The following TUBGCP4 variants were observed in gnomAD, a reference collection of about 807,000 sequenced individuals.
TUBGCP4 encodes the protein gamma-tubulin complex component 4.
Under a neutral mutation model 91.6 loss-of-function variants are expected in TUBGCP4, and 54 were observed. That is an observed-to-expected ratio of 0.59 (90% CI 0.47 to 0.74). The LOEUF is 0.74. Among genes scored for constraint, TUBGCP4 ranks in the 30% least tolerant of loss-of-function variants. TUBGCP4 has a pLI of 0.00. For missense variants in TUBGCP4, 593 were observed against 800.9 expected (o/e 0.74, Z 3.13); for synonymous variants, 297 against 302.8 (o/e 0.98, Z 0.20).
At chr15:43,401,884 T>TGA (rs2044689269) in intron 15 of TUBGCP4, 34 bp downstream of exon 15, 2 of 1,611,950 alleles carry the variant, frequency 1.2e-6, no homozygotes, top group Non-Finnish European at 1.7e-6. Context: ...TCAGACTGCT[T>TGA]CTACCACTGA....
chr15:43,375,118 G>A (rs1326623935), intron 1 of TUBGCP4, among the ~76,000 whole-genome samples: 2 of 152,222 alleles, frequency 1.3e-5, no homozygotes, highest in Admixed American at 6.5e-5. Context: ...GGCCAGGCTG[G>A]TCTTGAACTC....
At position 43,408,368 on chromosome 15, in the gene TUBGCP4, C is replaced by T; in HGVS notation, c.*3154C>T. The T allele has an allele frequency of 3.0e-6, 1 of 328,452 alleles. No individual in the cohort carries two copies. The highest frequency in any genetic ancestry group is 5.7e-6 in the Non-Finnish European group (1 of 174,354). 20.3% of individuals were successfully genotyped at this position (328,452 alleles called of 1,614,324 possible). A position where few individuals can be genotyped will look rare whatever the true frequency, so the allele number is the denominator to read the frequency against. Reference sequence around the variant, plus strand: ...TGGTGGCGAGTGCCTGTAGTCCCAGCAGCTTGGGAGGCTGAGGTAGGGGGA... The same window carrying T: ...TGGTGGCGAGTGCCTGTAGTCCCAGTAGCTTGGGAGGCTGAGGTAGGGGGA... On this transcript the variant is annotated 3_prime_UTR_variant, in exon 18 of 18. Coordinates refer to ENST00000564079, the MANE Select transcript of TUBGCP4 (RefSeq NM_014444.5).
chr15:43,388,377 A>G (rs1471223494), intron 9 of TUBGCP4, among the ~76,000 whole-genome samples: 2 of 152,224 alleles, frequency 1.3e-5, no homozygotes, highest in African/African-American at 2.4e-5. Context: ...TGTGATATAG[A>G]CACAGAATGT....
intron 5 of TUBGCP4, among the ~76,000 whole-genome samples, chr15:43,379,209 G>C (rs908272204): frequency 2.0e-5 from 3 of 152,192 alleles, no homozygotes; most frequent in Admixed American, 6.5e-5. Flanking sequence ...GCACAAAGGC[G>C]CTTTTTGGAG....
intron 1 of TUBGCP4, among the ~76,000 whole-genome samples, chr15:43,371,956 G>T (rs2142750618): frequency 6.6e-6 from 1 of 152,266 alleles, no homozygotes; most frequent in East Asian, 1.9e-4. Flanking sequence ...AATGTATGAT[G>T]TTCCGTATGC....
chr15:43,379,942 A>G, intron 5 of TUBGCP4, 142 bp from the exon 6 acceptor site: 5 of 765,444 alleles, frequency 6.5e-6, no homozygotes. Context: ...CCTCTTTGAG[A>G]ACCACTATGT....
intron 15 of TUBGCP4, chr15:43,403,114 A>T (rs2044723934): frequency 6.6e-6 from 1 of 152,236 alleles, no homozygotes; most frequent in African/African-American, 2.4e-5. Flanking sequence ...CACTGGGGAT[A>T]CAAAGAGGTA....
At chr15:43,395,048 C>A in intron 9 of TUBGCP4, 59 bp from the exon 10 acceptor site, 2 of 1,573,558 alleles carry the variant, frequency 1.3e-6, no homozygotes. Flanking sequence ...TGGAACCATT[C>A]TTTGCAGGAG....
rs918559657 is a variant in TUBGCP4, at chr15:43,407,560, T to C, written c.*2346T>C. On this transcript the variant is annotated 3_prime_UTR_variant, in exon 18 of 18. Transcript: ENST00000564079. ...CCGTCACCACCACATCAAATACCCC[T>C]AAAGCAATATCTGCAAGGAGCAAGG... 3 of 1,611,718 alleles carry C rather than the reference T, an allele frequency of 1.9e-6. No individual in the cohort carries two copies. The highest frequency in any genetic ancestry group is 2.5e-6 in the Non-Finnish European group (3 of 1,178,380).
intron 6 of TUBGCP4, among the ~76,000 whole-genome samples, chr15:43,382,204 C>A (rs1215655401): frequency 6.8e-6 from 1 of 146,196 alleles, no homozygotes; most frequent in African/African-American, 2.7e-5. Flanking sequence ...AGAGTGAGAC[C>A]CTGTCTCAAA....
rs2044912161 is a variant in TUBGCP4 at position 43,406,892 on chromosome 15, TCTCAG to T, written c.*1684_*1688del. ...GGGAGTACCCACAGGTGAGCTGTGA[TCTCAG>T]CTCAGAGAGAGAGCATGAGGTCTTT... On this transcript the variant is annotated 3_prime_UTR_variant, in exon 18 of 18. Coordinates refer to ENST00000564079, the MANE Select transcript of TUBGCP4 (RefSeq NM_014444.5). 3.7e-6 allele frequency: 1 copy of T among 270,842 alleles called. No homozygotes were observed. Among genetic ancestry groups the T allele is most frequent in the Non-Finnish European group, 7.3e-6 (1 of 137,884 alleles). The allele number at this position is 270,842 out of a possible 1,614,324, so 16.8% of individuals were successfully genotyped here. A position where few individuals can be genotyped will look rare whatever the true frequency, so the allele number is the denominator to read the frequency against.
At chr15:43,396,557 G>T (rs1360982040) in intron 11 of TUBGCP4, among the ~76,000 whole-genome samples, 1 of 152,184 alleles carries the variant, frequency 6.6e-6, no homozygotes, top group Non-Finnish European at 1.5e-5. Flanking sequence ...AGTACTTGTG[G>T]TTGCAAATAT....
chr15:43,389,437 C>T (rs1250808786), intron 9 of TUBGCP4, among the ~76,000 whole-genome samples: 1 of 152,090 alleles, frequency 6.6e-6, no homozygotes, highest in Non-Finnish European at 1.5e-5. Flanking sequence ...GTTGCCCAGG[C>T]TGGTCTTGAA....
chr15:43,408,705 CA>C lies in TUBGCP4; in HGVS notation c.*3495del, dbSNP rs1340250917. On this transcript the variant is annotated 3_prime_UTR_variant, in exon 18 of 18. Coordinates refer to ENST00000564079, the MANE Select transcript of TUBGCP4 (RefSeq NM_014444.5). ...CTATATACAAATCTTCACACATTTG[CA>C]AAAGGTTCCTAGCCAATGTAACCTA... 1 of 593,684 alleles carries C rather than the reference CA, an allele frequency of 1.7e-6. No individual in the cohort carries two copies. The highest frequency in any genetic ancestry group is 1.9e-5 in the African/African-American group (1 of 53,864). 36.8% of individuals were successfully genotyped at this position (593,684 alleles called of 1,614,324 possible). A position where few individuals can be genotyped will look rare whatever the true frequency, so the allele number is the denominator to read the frequency against.
At chr15:43,383,090 C>G (rs2044308099) in intron 6 of TUBGCP4, among the ~76,000 whole-genome samples, 1 of 152,082 alleles carries the variant, frequency 6.6e-6, no homozygotes, top group South Asian at 2.1e-4. Flanking sequence ...AAAATAATAT[C>G]AGCACATATA....
In TUBGCP4 at chr15:43,408,819, C is replaced by G. The variant is rs1436588393; in HGVS notation, c.*3605C>G. The G allele has an allele frequency of 7.0e-7, 1 of 1,432,400 alleles. No individual in the cohort carries two copies. The highest frequency in any genetic ancestry group is 9.8e-7 in the Non-Finnish European group (1 of 1,022,400). The allele number at this position is 1,432,400 out of a possible 1,614,324, so 88.7% of individuals were successfully genotyped here. ...ATTCCAATTTCTAGAAAGCTTTACT[C>G]TCTCACCTAGATTCTCTTCCCTCCA... On this transcript the variant is annotated 3_prime_UTR_variant, in exon 18 of 18. Coordinates refer to ENST00000564079, the MANE Select transcript of TUBGCP4 (RefSeq NM_014444.5).
chr15:43,404,889 A>T, intron 17 of TUBGCP4: 1 of 489,802 alleles, frequency 2.0e-6, no homozygotes, highest in African/African-American at 1.9e-5. Flanking sequence ...GCTGGTCCCT[A>T]GCTTCCGCAT....
chr15:43,395,345 CT>C, intron 10 of TUBGCP4, 188 bp downstream of exon 10: 1 of 698,302 alleles, frequency 1.4e-6, no homozygotes, highest in Non-Finnish European at 2.5e-6. Context: ...TGGGAGTGTA[CT>C]TTTTTCTGGC....
intron 17 of TUBGCP4, 79 bp from the exon 18 acceptor site, chr15:43,405,123 G>C (rs1408983368): frequency 6.6e-7 from 1 of 1,516,502 alleles, no homozygotes; most frequent in Non-Finnish European, 9.2e-7. Flanking sequence ...TTAGATCACA[G>C]GTTATCCTGA....
Sources: gnomAD v4.1 joint callset for allele counts (sites outside exome capture counted in the v4.1 genomes callset) on GRCh38, gnomAD v4.1.1 for gene constraint, MANE v1.5 for transcripts, NCBI Gene and HGNC (gene_info 2026-07-23, HGNC 2026-07-21) for gene names.